The following MYO5C variants were observed in gnomAD, a reference collection of about 807,000 sequenced individuals.
The protein encoded by MYO5C is unconventional myosin-Vc.
Under a neutral mutation model 235.7 loss-of-function variants are expected in MYO5C, and 194 were observed. The observed-to-expected ratio is 0.82, with a 90% CI of 0.73 to 0.93. MYO5C has a LOEUF of 0.93. Among genes scored for constraint, MYO5C ranks in the 40% least tolerant of loss-of-function variants. MYO5C has a pLI of 0.00. For synonymous variants in MYO5C, 707 were observed against 754.8 expected, an observed-to-expected ratio of 0.94 and a Z score of 1.04; for missense variants, 2,038 against 2,127.2, an observed-to-expected ratio of 0.96 and a Z score of 0.82.
At chr15:52,204,129 C>T (rs1187090780) in intron 38 of MYO5C, among the ~76,000 whole-genome samples, 1 of 152,106 alleles carries the variant, frequency 6.6e-6, no homozygotes, top group African/African-American at 2.4e-5. Context: ...ATAGTAGACA[C>T]ACCTCAAAAC....
intron 38 of MYO5C, among the ~76,000 whole-genome samples, chr15:52,196,869 G>A (rs2035064464): frequency 6.6e-6 from 1 of 152,142 alleles, no homozygotes; most frequent in Non-Finnish European, 1.5e-5. Flanking sequence ...ATTAGTGAAG[G>A]CTTTCGGTCG....
intron 2 of MYO5C, among the ~76,000 whole-genome samples, 154 bp downstream of exon 2, chr15:52,282,628 C>A (rs918316422): frequency 1.3e-5 from 2 of 152,224 alleles, no homozygotes; most frequent in South Asian, 4.1e-4. Context: ...ATCAGTGAGT[C>A]CCGGCACCAG....
chr15:52,267,773 C>A lies in MYO5C; in HGVS notation c.940+1980G>T, dbSNP rs193077115. Among the ~76,000 whole-genome samples, 353 of 152,282 alleles carry A rather than the reference C, an allele frequency of 2.3e-3. 3 individuals are homozygous for A. Among genetic ancestry groups the A allele is most frequent in the Middle Eastern group, 6.8e-3 (2 of 294 alleles). The stretch of plus-strand genomic sequence containing the variant: ...CACATTCATTTGATCCCAAAGCCTA[C>A]TCTATTTGCCCTACATTATCTTGCT... On this transcript the variant is annotated intron_variant, in intron 8 of 40. Transcript: ENST00000261839.
At chr15:52,247,881 C>T (rs1216257303) in intron 14 of MYO5C, among the ~76,000 whole-genome samples, 1 of 152,170 alleles carries the variant, frequency 6.6e-6, no homozygotes. Flanking sequence ...CACCTCCGTG[C>T]CTGGCTCACA....
intron 13 of MYO5C, among the ~76,000 whole-genome samples, chr15:52,249,590 G>A (rs142922449): frequency 5.9e-5 from 9 of 152,270 alleles, no homozygotes; most frequent in Admixed American, 2.6e-4. Flanking sequence ...TATCCTTGCC[G>A]GTAGGTAGGT....
At chr15:52,201,919 T>A (rs1566959206) in intron 38 of MYO5C, among the ~76,000 whole-genome samples, 2 of 125,984 alleles carry the variant, frequency 1.6e-5, no homozygotes, top group Admixed American at 7.8e-5. Flanking sequence ...GGGATAATAC[T>A]AAAAAAAAAA....
At chr15:52,234,718 C>T (rs2036038288) in intron 23 of MYO5C, among the ~76,000 whole-genome samples, 1 of 152,186 alleles carries the variant, frequency 6.6e-6, no homozygotes, top group African/African-American at 2.4e-5. Context: ...CTCGTCAGCA[C>T]CTGCACAGCC....
chr15:52,260,765 A>G, intron 10 of MYO5C, 97 bp downstream of exon 10: 2 of 1,334,626 alleles, frequency 1.5e-6, no homozygotes, highest in East Asian at 2.3e-5. Flanking sequence ...CTTTCTAATC[A>G]TGTGAAATAC....
rs1400530801 is a variant in MYO5C, at chr15:52,242,002, GA to G, written c.2556+45del. The G allele has an allele frequency of 2.6e-6, 4 of 1,548,830 alleles. No homozygotes were observed. The Admixed American group carries it at 5.9e-5, about 23-fold the overall frequency. On this transcript the variant is annotated intron_variant, in intron 20 of 40. Coordinates refer to ENST00000261839, the MANE Select transcript of MYO5C (RefSeq NM_018728.4). ...TGGGCCCTGTTTTGTTCTCAGTAAG[GA>G]AGGCCCGTACACCCTCCCTTCCTCT...
intron 7 of MYO5C, among the ~76,000 whole-genome samples, chr15:52,270,125 A>G (rs1375298257): frequency 6.6e-6 from 1 of 152,180 alleles, no homozygotes; most frequent in Non-Finnish European, 1.5e-5. Flanking sequence ...CCAAATCTCT[A>G]TAAAAAATTA....
intron 11 of MYO5C, among the ~76,000 whole-genome samples, chr15:52,255,883 GA>G (rs971883276): frequency 1.4e-3 from 210 of 149,830 alleles, no homozygotes; most frequent in African/African-American, 4.8e-3. Context: ...CTTCCCAGTG[GA>G]AAAAAAAAAT....
At chr15:52,213,022 C>T (rs1224474173) in intron 34 of MYO5C, among the ~76,000 whole-genome samples, 166 bp downstream of exon 34, 6 of 152,172 alleles carry the variant, frequency 3.9e-5, no homozygotes, top group Admixed American at 3.3e-4. Flanking sequence ...TCCCCATTCA[C>T]AGAGTTAACA....
At chr15:52,214,461 T>C (rs1158893731) in intron 33 of MYO5C, 142 bp downstream of exon 33, 5 of 561,330 alleles carry the variant, frequency 8.9e-6, no homozygotes, top group Non-Finnish European at 1.2e-5. Context: ...ATCCTTTCGT[T>C]AGCCCAGCAC....
At chr15:52,274,003 G>T (rs2036983110) in intron 5 of MYO5C, among the ~76,000 whole-genome samples, 1 of 151,796 alleles carries the variant, frequency 6.6e-6, no homozygotes, top group African/African-American at 2.4e-5. Flanking sequence ...ACACTCTCTG[G>T]GCAGGATTTT....
At position 52,237,601 on chromosome 15, in the gene MYO5C, C is replaced by A. The variant is rs1200292938; in HGVS notation, c.2749G>T (p.Ala917Ser). The A allele has an allele frequency of 1.2e-6, 2 of 1,614,050 alleles. No individual in the cohort carries two copies. Among genetic ancestry groups the A allele is most frequent in the Non-Finnish European group, 1.7e-6 (2 of 1,180,030 alleles). Residue 917 changes from alanine (A) to serine (S), a missense_variant, in exon 22 of 41, where the codon GCT (alanine) becomes TCT (serine). By Grantham distance (99) the Ala-to-Ser change is moderately conservative (BLOSUM62 1). Coordinates refer to ENST00000261839, the MANE Select transcript of MYO5C (RefSeq NM_018728.4). ...TTTTCCACATCCCCAGCTCGAAGAG[C>A]AGCCAGGCTAGTCAGCTTCTCCACC... Reference protein sequence around the residue: ...GLVEKLTSLAALRAGDVEKIQ... With the variant: ...GLVEKLTSLASLRAGDVEKIQ...
chr15:52,288,556 C>T (rs918111200), intron 1 of MYO5C, among the ~76,000 whole-genome samples: 3 of 152,278 alleles, frequency 2.0e-5, no homozygotes, highest in East Asian at 1.9e-4. Flanking sequence ...TACTCAGCTC[C>T]GGGTAAGTTC....
At chr15:52,258,043 A>G (rs965156472) in intron 10 of MYO5C, among the ~76,000 whole-genome samples, 1 of 152,194 alleles carries the variant, frequency 6.6e-6, no homozygotes, top group Non-Finnish European at 1.5e-5. Context: ...GCCTGGGGGA[A>G]GATTAAAAAG....
rs1341407871 is a variant in MYO5C at position 52,193,922 on chromosome 15, C to A, written c.5209G>T (p.Gly1737Cys). The A allele has an allele frequency of 6.2e-7, 1 of 1,612,782 alleles. No individual in the cohort carries two copies. Among genetic ancestry groups the A allele is most frequent in the Admixed American group, 1.7e-5 (1 of 59,696 alleles). The change falls in exon 41 of 41, where the codon GGC becomes TGC. Residue 1737 changes from glycine to cysteine, a missense_variant. Physicochemically the swap from Gly to Cys is radical, Grantham distance 159. Coordinates refer to ENST00000261839, the MANE Select transcript of MYO5C (RefSeq NM_018728.4). ...MIQIPSSFKLGFLNRL is the reference protein window; with the variant it reads ...MIQIPSSFKLCFLNRL The stretch of plus-strand genomic sequence containing the variant: ...TCCTGCTATAACCTATTCAGAAAGC[C>A]TAGCTTGAAACTGCTGGGGATCTGA...
intron 22 of MYO5C, among the ~76,000 whole-genome samples, chr15:52,236,103 T>C (rs1034879058): frequency 6.6e-6 from 1 of 152,264 alleles, no homozygotes; most frequent in Non-Finnish European, 1.5e-5. Flanking sequence ...TCGAATATGC[T>C]ATGATTACAC....
Sources: allele counts gnomAD v4.1 joint callset (sites outside exome capture counted in the v4.1 genomes callset), GRCh38; gene constraint gnomAD v4.1.1; transcripts MANE v1.5; gene names NCBI Gene and HGNC (gene_info 2026-07-23, HGNC 2026-07-21).